Variants in CNTN6 observed in about 807,000 individuals in gnomAD.
CNTN6 encodes the protein contactin-6.
A neutral mutation model predicts 122.8 loss-of-function variants in CNTN6; 137 were observed. The observed-to-expected ratio is 1.12, with a 90% confidence interval of 0.97 to 1.29. The LOEUF (loss-of-function observed/expected upper bound fraction) is 1.29, where lower values mean the gene tolerates loss of function less well. Ranked by LOEUF, CNTN6 falls within the 50% of genes most tolerant of loss-of-function variation. The pLI is 0.00. For synonymous variants in CNTN6, 570 were observed against 426.0 expected (o/e 1.34, Z -4.16); for missense variants, 1,634 against 1,223.4 (o/e 1.34, Z -5.01).
intron 5 of CNTN6, among the ~76,000 whole-genome samples, chr3:1,284,434 C>G (rs555216303): frequency 1.3e-5 from 2 of 152,222 alleles, no homozygotes; most frequent in Admixed American, 1.3e-4. Context: ...CTCTGAGGCT[C>G]TCTGAAAGTG....
At chr3:1,386,315 G>A (rs1692925056) in intron 20 of CNTN6, among the ~76,000 whole-genome samples, 1 of 152,122 alleles carries the variant, frequency 6.6e-6, no homozygotes, top group African/African-American at 2.4e-5. Context: ...TCCTACAACT[G>A]TCAGACACCT....
At chr3:1,341,446 A>G (rs557884297) in intron 11 of CNTN6, among the ~76,000 whole-genome samples, 1 of 152,284 alleles carries the variant, frequency 6.6e-6, no homozygotes, top group East Asian at 1.9e-4. Flanking sequence ...TAATTTAGTT[A>G]GGCTTTCCAT....
chr3:1,383,871 A>G (rs1178067017), intron 19 of CNTN6, among the ~76,000 whole-genome samples: 1 of 152,200 alleles, frequency 6.6e-6, no homozygotes, highest in Non-Finnish European at 1.5e-5. Flanking sequence ...CCTCCAGGCC[A>G]TTGCCATAGA....
intron 2 of CNTN6, among the ~76,000 whole-genome samples, chr3:1,202,543 AAAAT>A (rs201394766): frequency 0.059 from 7,426 of 126,380 alleles, 233 homozygotes; most frequent in Middle Eastern, 0.074. Context: ...TCCGTCTCAA[AAAAT>A]AAATAAATAA....
chr3:1,124,021 A>T (rs1344443597), intron 1 of CNTN6, among the ~76,000 whole-genome samples: 2 of 151,948 alleles, frequency 1.3e-5, no homozygotes, highest in Non-Finnish European at 2.9e-5. Context: ...CCACCCCTAC[A>T]TTCCTGGGAC....
intron 4 of CNTN6, among the ~76,000 whole-genome samples, chr3:1,270,934 A>G (rs9865705): frequency 0.65 from 98,103 of 151,720 alleles, 33,446 homozygotes; most frequent in East Asian, 0.86. Flanking sequence ...ACAAAGTCTG[A>G]CTCTGTCACC....
intron 12 of CNTN6, among the ~76,000 whole-genome samples, chr3:1,357,567 C>G (rs776482985): frequency 6.6e-6 from 1 of 151,848 alleles, no homozygotes; most frequent in Admixed American, 6.6e-5. Flanking sequence ...AAACCACTTG[C>G]CCAAGGTCCC....
chr3:1,159,656 C>A (rs918032651), intron 2 of CNTN6, among the ~76,000 whole-genome samples: 4 of 151,186 alleles, frequency 2.6e-5, no homozygotes, highest in African/African-American at 9.7e-5. Context: ...ATATATTTAT[C>A]TAGTATAAAT....
intron 4 of CNTN6, among the ~76,000 whole-genome samples, chr3:1,233,997 C>A (rs1244197788): frequency 6.6e-6 from 1 of 151,990 alleles, no homozygotes; most frequent in African/African-American, 2.4e-5. Flanking sequence ...TAGGCATTTA[C>A]AATCATCATA....
At chr3:1,398,313 G>C (rs760415543) in intron 20 of CNTN6, among the ~76,000 whole-genome samples, 19 of 152,122 alleles carry the variant, frequency 1.2e-4, no homozygotes, top group Admixed American at 3.3e-4. Flanking sequence ...GTCAATATCA[G>C]ACATAAAGGA....
intron 8 of CNTN6, among the ~76,000 whole-genome samples, chr3:1,325,506 C>A (rs1701406191): frequency 6.6e-6 from 1 of 151,836 alleles, no homozygotes; most frequent in Non-Finnish European, 1.5e-5. Flanking sequence ...TAATATTTAG[C>A]ATGGATTTAT....
intron 1 of CNTN6, among the ~76,000 whole-genome samples, chr3:1,123,626 A>G (rs2092046092): frequency 6.6e-6 from 1 of 151,946 alleles, no homozygotes. Context: ...CAATCTGCAA[A>G]TGGACATGGT....
At chr3:1,191,035 C>T (rs376356148) in intron 2 of CNTN6, among the ~76,000 whole-genome samples, 3 of 152,168 alleles carry the variant, frequency 2.0e-5, no homozygotes, top group East Asian at 1.9e-4. Context: ...AAGGAAGTTA[C>T]TGCAGATAAC....
intron 20 of CNTN6, among the ~76,000 whole-genome samples, chr3:1,400,411 G>C (rs374199417): frequency 1.3e-5 from 2 of 152,092 alleles, no homozygotes; most frequent in African/African-American, 4.8e-5. Flanking sequence ...AAATTCTCTA[G>C]TTGGACTATA....
At chr3:1,279,389 T>C (rs1426928691) in intron 5 of CNTN6, among the ~76,000 whole-genome samples, 3 of 140,618 alleles carry the variant, frequency 2.1e-5, no homozygotes, top group Non-Finnish European at 4.7e-5. Flanking sequence ...CACTATATTA[T>C]AGAAAGCTTA....
At chr3:1,284,302 T>G (rs552995668) in intron 5 of CNTN6, among the ~76,000 whole-genome samples, 1 of 151,382 alleles carries the variant, frequency 6.6e-6, no homozygotes, top group African/African-American at 2.5e-5. Context: ...AGGAAAATTA[T>G]GTAGAGAAAA....
intron 1 of CNTN6, among the ~76,000 whole-genome samples, chr3:1,106,151 GT>G (rs143386898): frequency 0.062 from 9,464 of 152,088 alleles, 414 homozygotes; most frequent in Non-Finnish European, 0.09. Context: ...ACAGGAATAG[GT>G]TTGAGGGTAA....
At chr3:1,298,587 T>A (rs1696680370) in intron 7 of CNTN6, among the ~76,000 whole-genome samples, 1 of 152,180 alleles carries the variant, frequency 6.6e-6, no homozygotes, top group African/African-American at 2.4e-5. Flanking sequence ...CATTTTTGCA[T>A]GGGATATCTA....
At chr3:1,292,952 A>G (rs1239591256) in intron 5 of CNTN6, among the ~76,000 whole-genome samples, 2 of 150,926 alleles carry the variant, frequency 1.3e-5, no homozygotes. Context: ...CTTTTTACCT[A>G]ACAATGCTGC....
Sources: gnomAD v4.1 joint callset for allele counts (sites outside exome capture counted in the v4.1 genomes callset) on GRCh38, gnomAD v4.1.1 for gene constraint, MANE v1.5 for transcripts, NCBI Gene and HGNC (gene_info 2026-07-23, HGNC 2026-07-21) for gene names.